MPDZ: variants seen among roughly 807,000 people sequenced by gnomAD.
MPDZ encodes the protein multiple PDZ domain protein.
Under a neutral mutation model 239.1 loss-of-function variants are expected in MPDZ, and 234 were observed. The ratio of observed to expected loss-of-function variants is 0.98; its 90% CI spans 0.88 to 1.09. MPDZ has a LOEUF of 1.09. Ranked by LOEUF, MPDZ falls within the 50% of genes least tolerant of loss-of-function variation. The pLI is 0.00. For missense variants in MPDZ, 3,175 were observed against 2,510.0 expected, an observed-to-expected ratio of 1.26 and a Z score of -5.66; for synonymous variants, 1,048 against 881.3, an observed-to-expected ratio of 1.19 and a Z score of -3.35.
chr9:13,175,972 C>T, intron 20 of MPDZ, 97 bp from the exon 21 acceptor site: 1 of 1,460,804 alleles, frequency 6.8e-7, no homozygotes, highest in Non-Finnish European at 9.1e-7. Context: ...ATTGATTGTG[C>T]TTTATTTTGC....
At chr9:13,270,200 C>T (rs180686427) in intron 1 of MPDZ, among the ~76,000 whole-genome samples, 111 of 152,302 alleles carry the variant, frequency 7.3e-4, no homozygotes, top group Non-Finnish European at 1.4e-3. Context: ...CACAAACCAA[C>T]TTTTACTTTC....
chr9:13,130,078 A>T (rs1945733604), intron 32 of MPDZ, among the ~76,000 whole-genome samples: 1 of 152,174 alleles, frequency 6.6e-6, no homozygotes, highest in East Asian at 1.9e-4. Context: ...ACAATCACAG[A>T]AGGCTACTAC....
At chr9:13,157,918 T>C (rs1950018693) in intron 24 of MPDZ, 100 bp downstream of exon 24, 4 of 961,440 alleles carry the variant, frequency 4.2e-6, no homozygotes, top group Non-Finnish European at 6.5e-6. Flanking sequence ...TCACCCGATA[T>C]AACAAGAAGC....
At chr9:13,217,953 C>T (rs1340876490) in intron 8 of MPDZ, among the ~76,000 whole-genome samples, 1 of 151,686 alleles carries the variant, frequency 6.6e-6, no homozygotes, top group African/African-American at 2.4e-5. Flanking sequence ...AGCAAGTCTC[C>T]CTAAAATTAA....
intron 13 of MPDZ, among the ~76,000 whole-genome samples, chr9:13,194,227 T>A (rs1314916672): frequency 1.3e-5 from 2 of 152,144 alleles, no homozygotes; most frequent in Non-Finnish European, 2.9e-5. Flanking sequence ...AATATCTTAG[T>A]CCTTTTTCAT....
At chr9:13,163,575 G>A (rs1441020065) in intron 22 of MPDZ, among the ~76,000 whole-genome samples, 1 of 152,104 alleles carries the variant, frequency 6.6e-6, no homozygotes, top group East Asian at 1.9e-4. Flanking sequence ...CTGCTGTCCT[G>A]CTTCTGACAT....
At chr9:13,244,931 G>C (rs1374774396) in intron 3 of MPDZ, among the ~76,000 whole-genome samples, 1 of 152,076 alleles carries the variant, frequency 6.6e-6, no homozygotes, top group African/African-American at 2.4e-5. Flanking sequence ...GAGACTGATG[G>C]AGAGGGAGAA....
intron 22 of MPDZ, 106 bp downstream of exon 22, chr9:13,168,260 T>A (rs571593593): frequency 2.0e-6 from 2 of 991,202 alleles, no homozygotes; most frequent in Admixed American, 2.3e-5. Flanking sequence ...TTAAAAAAAA[T>A]GTGATAACGT....
intron 15 of MPDZ, among the ~76,000 whole-genome samples, chr9:13,190,611 T>C (rs1422062019): frequency 6.6e-6 from 1 of 152,050 alleles, no homozygotes; most frequent in East Asian, 1.9e-4. Context: ...GTTTCAATCA[T>C]CTCTAGTCAG....
At chr9:13,194,609 C>G (rs773112259) in intron 13 of MPDZ, among the ~76,000 whole-genome samples, 16 of 152,100 alleles carry the variant, frequency 1.1e-4, no homozygotes, top group South Asian at 2.1e-4. Flanking sequence ...GGCCTTAAAA[C>G]CTAGATGATG....
chr9:13,253,827 A>G (rs1228807385), intron 1 of MPDZ, among the ~76,000 whole-genome samples: 1 of 152,254 alleles, frequency 6.6e-6, no homozygotes, highest in African/African-American at 2.4e-5. Context: ...AGCAGCAATG[A>G]TAACAGCAAA....
At chr9:13,275,132 C>T (rs1564183504) in intron 1 of MPDZ, among the ~76,000 whole-genome samples, 2 of 152,206 alleles carry the variant, frequency 1.3e-5, no homozygotes, top group African/African-American at 4.8e-5. Context: ...CTCACTGCCT[C>T]AGAGTCTCAC....
intron 46 of MPDZ, among the ~76,000 whole-genome samples, chr9:13,108,692 T>C (rs1194286346): frequency 6.6e-6 from 1 of 152,214 alleles, no homozygotes; most frequent in African/African-American, 2.4e-5. Flanking sequence ...AGTTCATTAA[T>C]ATTTTTATGT....
At chr9:13,273,219 A>T (rs961593654) in intron 1 of MPDZ, among the ~76,000 whole-genome samples, 2 of 152,212 alleles carry the variant, frequency 1.3e-5, no homozygotes, top group Admixed American at 6.5e-5. Flanking sequence ...ATATTTTGTT[A>T]TAGCACCCGA....
intron 10 of MPDZ, among the ~76,000 whole-genome samples, chr9:13,213,538 C>A (rs1957900455): frequency 6.6e-6 from 1 of 151,906 alleles, no homozygotes; most frequent in Non-Finnish European, 1.5e-5. Context: ...CTCAAAAGTC[C>A]ACAAGATGGT....
At chr9:13,236,977 AT>A (rs1425242224) in intron 3 of MPDZ, among the ~76,000 whole-genome samples, 1 of 152,046 alleles carries the variant, frequency 6.6e-6, no homozygotes, top group Non-Finnish European at 1.5e-5. Context: ...GGTGGATAGA[AT>A]TGTCCAAGAT....
chr9:13,236,355 G>A (rs1202077701), intron 3 of MPDZ, among the ~76,000 whole-genome samples: 12 of 139,366 alleles, frequency 8.6e-5, no homozygotes, highest in African/African-American at 2.7e-4. Context: ...TCAGCTCACC[G>A]CAACCTCTGC....
At chr9:13,202,323 T>C (rs1956481258) in intron 12 of MPDZ, among the ~76,000 whole-genome samples, 1 of 152,194 alleles carries the variant, frequency 6.6e-6, no homozygotes. Context: ...GTCTCCAGCC[T>C]GGGGAAGATT....
chr9:13,129,494 A>AAAAT (rs1010889633), intron 32 of MPDZ, among the ~76,000 whole-genome samples: 2 of 150,232 alleles, frequency 1.3e-5, no homozygotes, highest in Non-Finnish European at 2.9e-5. Flanking sequence ...TAAATAAATA[A>AAAAT]AAATAAATAA....
Sources: gnomAD v4.1 joint callset for allele counts (sites outside exome capture counted in the v4.1 genomes callset) on GRCh38, gnomAD v4.1.1 for gene constraint, MANE v1.5 for transcripts, NCBI Gene and HGNC (gene_info 2026-07-23, HGNC 2026-07-21) for gene names.